PM20D2: variants seen among roughly 807,000 people sequenced by gnomAD.
The protein encoded by PM20D2 is xaa-Arg dipeptidase.
A neutral mutation model predicts 42.9 loss-of-function variants in PM20D2; 33 were observed. The observed-to-expected ratio is 0.77, with a 90% CI of 0.58 to 1.03. The LOEUF (loss-of-function observed/expected upper bound fraction) is 1.03, where lower values mean the gene tolerates loss of function less well. PM20D2 is among the 50% of genes least tolerant of loss of function. The pLI is 0.00. For missense variants in PM20D2, 548 were observed against 557.0 expected (o/e 0.98, Z 0.16); for synonymous variants, 250 against 228.2 (o/e 1.10, Z -0.86).
At chr6:89,115,076 G>T in the PM20D2 span, among the ~76,000 whole-genome samples, 1 of 151,872 alleles carries the variant, frequency 6.6e-6, no homozygotes, top group Admixed American at 6.6e-5. Context: ...GATTATAGGC[G>T]TGAGCCACCA....
the PM20D2 span, among the ~76,000 whole-genome samples, chr6:89,134,145 C>T: frequency 1.3e-5 from 2 of 151,156 alleles, no homozygotes; most frequent in South Asian, 4.1e-4. Flanking sequence ...ATTCAGCACA[C>T]ATTAAATGAC....
Position 89,146,296 on chromosome 6 carries a change from T to A in PM20D2, c.152T>A (p.Leu51Gln), listed in dbSNP as rs373759971. ...CGCGCGATCTGGAGCCAGCCCGAGC[T>A]GGCCTACGAGGAGCACCATGCCCAC... ...LSRAIWSQPE[L>Q]AYEEHHAHRV... The change falls in exon 1 of 7, where the codon CTG (leucine) becomes CAG (glutamine). Residue 51 changes from leucine (L) to glutamine (Q), a missense_variant. Physicochemically the swap from Leu to Gln is moderately radical, Grantham distance 113. Coordinates refer to ENST00000275072, the MANE Select transcript of PM20D2 (RefSeq NM_001010853.3). The A allele has an allele frequency of 1.0e-5, 16 of 1,581,346 alleles. No individual in the cohort carries two copies. The highest frequency in any genetic ancestry group is 1.4e-5 in the Non-Finnish European group (16 of 1,172,148).
chr6:89,154,805 T>C lies in PM20D2; in HGVS notation c.815T>C (p.Ile272Thr), dbSNP rs1262721954. Residue 272 changes from isoleucine (I) to threonine (T), a missense_variant, in exon 4 of 7, where the codon ATC becomes ACC. Around this residue, in one of 3 missense-constraint regions of PM20D2, gnomAD observed 470 missense variants for 464.4 expected, o/e 1.01. Transcript: ENST00000275072. Reference sequence around the variant, plus strand: ...ATCATTCCCTCTTATTCTGAATTAATCTATTACTTCCGTGCACCCTCAATG... The same window carrying C: ...ATCATTCCCTCTTATTCTGAATTAACCTATTACTTCCGTGCACCCTCAATG... ...PNIIPSYSEL[I>T]YYFRAPSMKE... 2 of 1,603,054 alleles carry C rather than the reference T, an allele frequency of 1.2e-6. No homozygotes were observed. The highest frequency in any genetic ancestry group is 1.7e-6 in the Non-Finnish European group (2 of 1,174,740).
intron 4 of PM20D2, among the ~76,000 whole-genome samples, chr6:89,156,939 T>C (rs1771069003): frequency 1.3e-5 from 2 of 152,270 alleles, no homozygotes; most frequent in African/African-American, 4.8e-5. Context: ...AAACTAAATA[T>C]TTATTCCCTT....
the PM20D2 span, among the ~76,000 whole-genome samples, chr6:89,133,409 T>A: frequency 1.3e-5 from 2 of 151,068 alleles, no homozygotes; most frequent in African/African-American, 5.0e-5. Context: ...TGTTTATCAA[T>A]AGTATACAAT....
the PM20D2 span, among the ~76,000 whole-genome samples, chr6:89,115,393 G>A: frequency 2.8e-4 from 42 of 151,256 alleles, no homozygotes; most frequent in African/African-American, 9.7e-4. Context: ...AGCGATTCTC[G>A]TGCCTCAGTC....
At chr6:89,152,415 T>G (rs1375531362) in intron 2 of PM20D2, among the ~76,000 whole-genome samples, 1 of 152,142 alleles carries the variant, frequency 6.6e-6, no homozygotes, top group African/African-American at 2.4e-5. Flanking sequence ...CTCTAATCTT[T>G]TTTTTTTTAA....
chr6:89,154,696 C>G (rs1194363649), intron 3 of PM20D2, 52 bp from the exon 4 acceptor site: 9 of 1,351,146 alleles, frequency 6.7e-6, no homozygotes, highest in Non-Finnish European at 7.9e-6. Flanking sequence ...TGTATTTAAG[C>G]TTAAAGAAAT....
chr6:89,134,048 G>A, the PM20D2 span, among the ~76,000 whole-genome samples: 2 of 151,224 alleles, frequency 1.3e-5, no homozygotes, highest in African/African-American at 4.9e-5. Context: ...CTGTCAGTCC[G>A]GCTGAGGGTC....
the PM20D2 span, among the ~76,000 whole-genome samples, chr6:89,114,085 C>T: frequency 6.6e-6 from 1 of 152,062 alleles, no homozygotes; most frequent in Admixed American, 6.5e-5. Flanking sequence ...CGATCTTAGG[C>T]AAAATACTTA....
chr6:89,153,554 C>G (rs746011600), intron 3 of PM20D2, among the ~76,000 whole-genome samples: 9 of 152,026 alleles, frequency 5.9e-5, no homozygotes, highest in Non-Finnish European at 1.3e-4. Context: ...GGTATAATAA[C>G]TGCTAGTTTT....
At chr6:89,096,936 A>G in the PM20D2 span, 1 of 152,254 alleles carries the variant, frequency 6.6e-6, no homozygotes, top group African/African-American at 2.4e-5. Flanking sequence ...TTTTATAACT[A>G]AATTTTATTA....
chr6:89,124,964 C>T, the PM20D2 span, among the ~76,000 whole-genome samples: 1 of 151,796 alleles, frequency 6.6e-6, no homozygotes, highest in Admixed American at 6.6e-5. Flanking sequence ...ACACTCCTGG[C>T]CTCAAGTGAT....
the PM20D2 span, among the ~76,000 whole-genome samples, chr6:89,129,122 A>G: frequency 6.6e-6 from 1 of 152,178 alleles, no homozygotes; most frequent in South Asian, 2.1e-4. Flanking sequence ...GAACCCCTTG[A>G]CACTCATTGA....
At chr6:89,151,607 C>A (rs116307870) in intron 2 of PM20D2, among the ~76,000 whole-genome samples, 1,783 of 152,196 alleles carry the variant, frequency 0.012, 46 homozygotes, top group African/African-American at 0.041. Context: ...AGGTATGTAT[C>A]CTTTTCAGAG....
At chr6:89,143,152 G>C (rs1770396592), upstream of PM20D2, among the ~76,000 whole-genome samples, 2 of 151,898 alleles carry the variant, frequency 1.3e-5, no homozygotes, top group Non-Finnish European at 2.9e-5. Context: ...TTGCCATGTT[G>C]GGGATTTTAT....
chr6:89,148,671 G>A (rs1182501356), intron 1 of PM20D2: 1 of 648,590 alleles, frequency 1.5e-6, no homozygotes, highest in African/African-American at 2.0e-5. Context: ...TTTAAAATAG[G>A]TAGCCCAGTA....
chr6:89,130,429 T>G, the PM20D2 span, among the ~76,000 whole-genome samples: 1 of 151,900 alleles, frequency 6.6e-6, no homozygotes, highest in East Asian at 2.0e-4. Context: ...AAAACATACA[T>G]ACTGTGAAAT....
At chr6:89,111,106 T>C in the PM20D2 span, among the ~76,000 whole-genome samples, 1 of 149,872 alleles carries the variant, frequency 6.7e-6, no homozygotes, top group Non-Finnish European at 1.5e-5. Context: ...GGGTGAGACT[T>C]GTCTTTTTTT....
Sources: allele counts gnomAD v4.1 joint callset (sites outside exome capture counted in the v4.1 genomes callset), GRCh38; gene constraint gnomAD v4.1.1; regional missense constraint gnomAD v4.1.1; transcripts MANE v1.5; gene names NCBI Gene and HGNC (gene_info 2026-07-23, HGNC 2026-07-21).